Variants in MESD observed in about 807,000 individuals in gnomAD.
MESD encodes the protein mesoderm development LRP chaperone.
In MESD, 7 loss-of-function variants were observed where a neutral mutation model predicts 12.9. That is an observed-to-expected ratio of 0.54 (90% CI 0.31 to 1.02). The LOEUF (loss-of-function observed/expected upper bound fraction) is 1.02, where lower values mean the gene tolerates loss of function less well. Ranked by LOEUF, MESD falls within the 50% of genes least tolerant of loss-of-function variation. The pLI, the probability that MESD is intolerant of heterozygous loss-of-function variation, is 0.05. For synonymous variants in MESD, 126 were observed against 115.6 expected, an observed-to-expected ratio of 1.09 and a Z score of -0.58; for missense variants, 342 against 296.7, an observed-to-expected ratio of 1.15 and a Z score of -1.12.
chr15:80,989,537 C>T, intron 1 of MESD, 42 bp downstream of exon 1: 1 of 1,592,856 alleles, frequency 6.3e-7, no homozygotes, highest in Non-Finnish European at 8.6e-7. Flanking sequence ...GAACAGGGTC[C>T]CGCACAGAGA....
At chr15:80,962,206 A>G (rs1567120276) in intron 3 of MESD, among the ~76,000 whole-genome samples, 1 of 152,246 alleles carries the variant, frequency 6.6e-6, no homozygotes, top group Non-Finnish European at 1.5e-5. Flanking sequence ...CTCTGATAAG[A>G]CAGACTTTAA....
chr15:80,979,097 T>G lies in MESD; in HGVS notation c.*122A>C. The stretch of plus-strand genomic sequence containing the variant: ...CACAAACTGGTCATGTGGCAGACCC[T>G]TTCTAGAAGACACTAGAATGTCATC... On this transcript the variant is annotated 3_prime_UTR_variant, in exon 3 of 3. Coordinates refer to ENST00000261758, the MANE Select transcript of MESD (RefSeq NM_015154.3). The G allele has an allele frequency of 7.3e-7, 1 of 1,362,584 alleles. No homozygotes were observed. The highest frequency in any genetic ancestry group is 1.0e-6 in the Non-Finnish European group (1 of 1,001,700). 84.4% of individuals were successfully genotyped at this position (1,362,584 alleles called of 1,614,324 possible). A position where few individuals can be genotyped will look rare whatever the true frequency, so the allele number is the denominator to read the frequency against.
chr15:80,955,478 ACTC>A (rs1224866281), intron 3 of MESD, among the ~76,000 whole-genome samples: 2 of 116,394 alleles, frequency 1.7e-5, no homozygotes, highest in African/African-American at 7.2e-5. Flanking sequence ...CGACGGAGAG[ACTC>A]CGTCTCAAAA....
rs1413447049 is a variant in MESD, at chr15:80,979,468, C to T, written c.456G>A (p.Val152=). ...GCATGAAGATAGCACGGTCTGATCC[C>T]ACAATGAACCTTGGGCAGAGAGATG... ...NANYDVQRFI[V]GSDRAIFMLR... Residue 152 remains valine (V), a synonymous_variant, in exon 3 of 3, where the codon GTG becomes GTA. Coordinates refer to ENST00000261758, the MANE Select transcript of MESD (RefSeq NM_015154.3). 3.1e-6 allele frequency: 5 copies of T among 1,613,790 alleles called. No individual in the cohort carries two copies. Among genetic ancestry groups the T allele is most frequent in the Non-Finnish European group, 4.2e-6 (5 of 1,179,814 alleles).
intron 1 of MESD, among the ~76,000 whole-genome samples, chr15:80,983,218 G>A (rs1005783830): frequency 6.6e-6 from 1 of 151,776 alleles, no homozygotes; most frequent in Non-Finnish European, 1.5e-5. Context: ...ATTCCAGCCT[G>A]GGAGACAGAA....
At chr15:80,974,905 C>T (rs1431379893), downstream of MESD, among the ~76,000 whole-genome samples, 1 of 148,292 alleles carries the variant, frequency 6.7e-6, no homozygotes, top group Non-Finnish European at 1.5e-5. Context: ...ATGAAGAATC[C>T]CTAAGGAGTC....
rs1902478222 is a variant in MESD, at chr15:80,978,408, A to G, written c.*811T>C. 2 of 152,202 alleles carry G rather than the reference A, an allele frequency of 1.3e-5. No individual in the cohort carries two copies. The highest frequency in any genetic ancestry group is 1.3e-4 in the Admixed American group (2 of 15,280). 9.4% of individuals were successfully genotyped at this position (152,202 alleles called of 1,614,324 possible). A position where few individuals can be genotyped will look rare whatever the true frequency, so the allele number is the denominator to read the frequency against. On this transcript the variant is annotated 3_prime_UTR_variant, in exon 3 of 3. Coordinates refer to ENST00000261758, the MANE Select transcript of MESD (RefSeq NM_015154.3). ...GATTTAGGCACTTTATCAAAGAAAAATGTTTAGAAACAAATGAGGTTATTG... is the reference window on the plus strand; with the variant it reads ...GATTTAGGCACTTTATCAAAGAAAAGTGTTTAGAAACAAATGAGGTTATTG...
chr15:80,963,012 C>G lies in MESD; in HGVS notation c.*289-10716G>C, dbSNP rs181292678. ...AGCAGAACTGAAGGAGATAGAGACA[C>G]AAAAAACCCTTCAAAAAAATCAGTG... On this transcript the variant is annotated intron_variant, in intron 3 of 4. Coordinates refer to the MESD transcript ENST00000561312. Among the ~76,000 whole-genome samples the G allele has an allele frequency of 3.9e-5, 6 of 152,074 alleles. No homozygotes were observed. In the South Asian group the frequency reaches 1.0e-3, roughly 26 times the overall value.
At chr15:80,955,596 T>G (rs893354291) in intron 3 of MESD, among the ~76,000 whole-genome samples, 6 of 150,854 alleles carry the variant, frequency 4.0e-5, no homozygotes. Context: ...ACAGTAAAGT[T>G]TGAGAAGTGT....
At chr15:80,962,549 C>T (rs189570437) in intron 3 of MESD, among the ~76,000 whole-genome samples, 10 of 152,262 alleles carry the variant, frequency 6.6e-5, no homozygotes, top group East Asian at 3.9e-4. Flanking sequence ...TTCTCAGCAC[C>T]GCATCACACT....
At position 80,977,202 on chromosome 15, in the gene MESD, C is replaced by A. The variant is rs1339383036; in HGVS notation, c.*2017G>T. On this transcript the variant is annotated 3_prime_UTR_variant, in exon 3 of 3. Coordinates refer to ENST00000261758, the MANE Select transcript of MESD (RefSeq NM_015154.3). ...TGCCTTACTCTATTTCTCCTCTCCT[C>A]CTCTTGCCCTCAGAGAAGGCCTCTG... 3.3e-5 allele frequency: 5 copies of A among 152,732 alleles called. No homozygotes were observed. The highest frequency in any genetic ancestry group is 9.6e-5 in the African/African-American group (4 of 41,458). 9.5% of individuals were successfully genotyped at this position (152,732 alleles called of 1,614,324 possible). A position where few individuals can be genotyped will look rare whatever the true frequency, so the allele number is the denominator to read the frequency against.
chr15:80,975,253 T>C (rs1244631061), downstream of MESD, among the ~76,000 whole-genome samples: 1 of 147,778 alleles, frequency 6.8e-6, no homozygotes, highest in Non-Finnish European at 1.5e-5. Flanking sequence ...GGCATAGTGG[T>C]GCATGCTTGT....
chr15:80,949,472 T>A (rs1901724881), intron 4 of MESD: 2 of 186,080 alleles, frequency 1.1e-5, no homozygotes, highest in Non-Finnish European at 2.3e-5. Context: ...AGGCAAGCCC[T>A]GCCTCTGGCC....
In MESD at chr15:80,982,014, C is replaced by T; in HGVS notation, c.382G>A (p.Glu128Lys). The T allele has an allele frequency of 3.7e-6, 6 of 1,614,188 alleles. No homozygotes were observed. The highest frequency in any genetic ancestry group is 5.1e-6 in the Non-Finnish European group (6 of 1,180,042). ...VTVSGSPTEK[E>K]TEEITSLWQG... Reference sequence around the variant, plus strand: ...CAGAGGCTCGTAATTTCCTCTGTCTCCTTCTCAGTAGGGCTTCCTGATACA... The same window carrying T: ...CAGAGGCTCGTAATTTCCTCTGTCTTCTTCTCAGTAGGGCTTCCTGATACA... Residue 128 changes from glutamate (E) to lysine (K), a missense_variant, in exon 2 of 3, where the codon GAG becomes AAG. Transcript: ENST00000261758.
At chr15:80,957,501 G>T (rs897383809) in intron 3 of MESD, among the ~76,000 whole-genome samples, 2 of 152,144 alleles carry the variant, frequency 1.3e-5, no homozygotes, top group Non-Finnish European at 1.5e-5. Flanking sequence ...CTTGAGCGTG[G>T]TCAGTTTTTA....
chr15:80,971,759 T>G (rs1902293484), downstream of MESD, among the ~76,000 whole-genome samples: 2 of 152,036 alleles, frequency 1.3e-5, no homozygotes, highest in Non-Finnish European at 2.9e-5. Flanking sequence ...CCTGAGTAGC[T>G]GGGACTAAAC....
At chr15:80,965,396 A>G (rs570145544) in intron 3 of MESD, among the ~76,000 whole-genome samples, 2 of 152,342 alleles carry the variant, frequency 1.3e-5, no homozygotes, top group African/African-American at 4.8e-5. Context: ...ACAGTGTGGC[A>G]ATTCCTCAAG....
chr15:80,965,014 A>G (rs917749972), intron 3 of MESD, among the ~76,000 whole-genome samples: 1 of 152,266 alleles, frequency 6.6e-6, no homozygotes, highest in Non-Finnish European at 1.5e-5. Context: ...CACAGTGAAC[A>G]GGCAACTTAC....
In MESD at chr15:80,954,356, GCCGA is replaced by G. The variant is rs558226089; in HGVS notation, c.*289-2064_*289-2061del. Reference sequence around the variant, plus strand: ...TGCTGTGTTGAACAAAGGCATAAAAGCCGACCCTAGCGCAACCCTCCTGCCTCCA... The same window carrying G: ...TGCTGTGTTGAACAAAGGCATAAAAGCCCTAGCGCAACCCTCCTGCCTCCA... On this transcript the variant is annotated intron_variant, in intron 3 of 4. Transcript: ENST00000561312. Among the ~76,000 whole-genome samples, 210 of 152,330 alleles carry G rather than the reference GCCGA, an allele frequency of 1.4e-3. 1 individual carries two copies. Among genetic ancestry groups the G allele is most frequent in the African/African-American group, 4.6e-3 (193 of 41,574 alleles).
Sources: gnomAD v4.1 joint callset for allele counts (sites outside exome capture counted in the v4.1 genomes callset) on GRCh38, gnomAD v4.1.1 for gene constraint, MANE v1.5 for transcripts, NCBI Gene and HGNC (gene_info 2026-07-23, HGNC 2026-07-21) for gene names.